The following ROS1 variants were observed in gnomAD, a reference collection of about 807,000 sequenced individuals.
The protein encoded by ROS1 is ROS proto-oncogene 1, receptor tyrosine kinase.
ROS1 carries 263 observed loss-of-function variants against 273.5 expected under a neutral mutation model. That is an observed-to-expected ratio of 0.96 (90% CI 0.87 to 1.06). The LOEUF is 1.06. Ranked by LOEUF, ROS1 falls within the 50% of genes least tolerant of loss-of-function variation. The probability of loss-of-function intolerance (pLI) is 0.00; values close to 1 mark genes in which losing one functional copy is unlikely to be tolerated. For missense variants in ROS1, 2,833 were observed against 2,751.1 expected, an observed-to-expected ratio of 1.03 and a Z score of -0.67; for synonymous variants, 1,008 against 954.1, an observed-to-expected ratio of 1.06 and a Z score of -1.04.
chr6:117,420,417 C>T (rs2128748506), intron 1 of ROS1, among the ~76,000 whole-genome samples: 1 of 120,936 alleles, frequency 8.3e-6, no homozygotes, highest in Admixed American at 1.2e-4. Flanking sequence ...ACTTCCTACC[C>T]TAATAAATGT....
chr6:117,343,609 T>C lies in ROS1; in HGVS notation c.4506+451A>G, dbSNP rs185818869. Among the ~76,000 whole-genome samples the C allele has an allele frequency of 1.3e-3, 198 of 152,276 alleles. 1 individual carries two copies. The highest frequency in any genetic ancestry group is 1.6e-3 in the Non-Finnish European group (110 of 68,012). On this transcript the variant is annotated intron_variant, in intron 28 of 43. Coordinates refer to ENST00000368507, the MANE Select transcript of ROS1 (RefSeq NM_001378902.1). ...GCATAGCAGTATATTTCTCTGCACATAGGAAACAAAAGACAAAATATAATG... is the reference window on the plus strand; with the variant it reads ...GCATAGCAGTATATTTCTCTGCACACAGGAAACAAAAGACAAAATATAATG...
chr6:117,346,498 A>G (rs1483795124), intron 27 of ROS1, among the ~76,000 whole-genome samples: 6 of 150,372 alleles, frequency 4.0e-5, no homozygotes, highest in Non-Finnish European at 8.9e-5. Context: ...TTCATTTTGG[A>G]GCGTGTTTGT....
At chr6:117,386,853 T>C (rs1019889649) in intron 15 of ROS1, 36 bp downstream of exon 15, 2 of 1,056,124 alleles carry the variant, frequency 1.9e-6, no homozygotes, top group African/African-American at 3.2e-5. Flanking sequence ...TGAGTAGAAA[T>C]CTGTCATTCA....
Position 117,385,759 on chromosome 6 carries a change from G to C in ROS1, c.2213C>G (p.Pro738Arg). 1 of 1,614,132 alleles carries C rather than the reference G, an allele frequency of 6.2e-7. No individual in the cohort carries two copies. Among genetic ancestry groups the C allele is most frequent in the South Asian group, 1.1e-5 (1 of 91,080 alleles). Residue 738 changes from proline to arginine, a missense_variant, in exon 16 of 44, where the codon CCC becomes CGC. Coordinates refer to ENST00000368507, the MANE Select transcript of ROS1 (RefSeq NM_001378902.1). The part of the protein sequence containing the change: ...GTDISENYHL[P>R]SIAGAGALAF... ...TAAAGCCCCTGCTCCTGCAATGCTG[G>C]GTAGGTGATAATTCTCTGAGATATC...
chr6:117,320,368 A>G (rs1776208586), intron 36 of ROS1, among the ~76,000 whole-genome samples: 2 of 152,168 alleles, frequency 1.3e-5, no homozygotes, highest in South Asian at 4.1e-4. Context: ...CAATTTGTAT[A>G]AAAAGCTACT....
At chr6:117,385,199 G>GA (rs1018162837) in intron 16 of ROS1, among the ~76,000 whole-genome samples, 5 of 152,158 alleles carry the variant, frequency 3.3e-5, no homozygotes, top group Admixed American at 6.5e-5. Flanking sequence ...TATTATTGGG[G>GA]AAAAAATACC....
At chr6:117,293,743 A>G (rs1774003578) in intron 43 of ROS1, among the ~76,000 whole-genome samples, 1 of 152,188 alleles carries the variant, frequency 6.6e-6, no homozygotes, top group Admixed American at 6.5e-5. Flanking sequence ...TTGTTTTTAA[A>G]CTTTTAAGAA....
In ROS1 at chr6:117,288,611, G is replaced by C. The variant is rs1271530026; in HGVS notation, c.6907C>G (p.Pro2303Ala). 9 of 1,614,106 alleles carry C rather than the reference G, an allele frequency of 5.6e-6. No homozygotes were observed. The highest frequency in any genetic ancestry group is 1.1e-5 in the South Asian group (1 of 91,074). Residue 2303 changes from proline to alanine, a missense_variant, in exon 44 of 44, where the codon CCA (proline) becomes GCA (alanine). Physicochemically the swap from Pro to Ala is conservative, Grantham distance 27. Transcript: ENST00000368507. ...SCGLRKEEKEPHADKDFCQEK... is the reference protein window; with the variant it reads ...SCGLRKEEKEAHADKDFCQEK... ...TGGCAGAAATCTTTGTCTGCATGTG[G>C]TTCCTTCTCTTCTTTCCTCAGACCA...
chr6:117,288,480 C>A lies in ROS1; in HGVS notation c.*12G>T. Reference sequence around the variant, plus strand: ...GTGTTTATCTCAACTCTCTATTTCCCAAACAACGCTATTAATCAGACCCAT... The same window carrying A: ...GTGTTTATCTCAACTCTCTATTTCCAAAACAACGCTATTAATCAGACCCAT... On this transcript the variant is annotated 3_prime_UTR_variant, in exon 44 of 44. Coordinates refer to ENST00000368507, the MANE Select transcript of ROS1 (RefSeq NM_001378902.1). 1 of 1,593,264 alleles carries A rather than the reference C, an allele frequency of 6.3e-7. No individual in the cohort carries two copies. The highest frequency in any genetic ancestry group is 1.1e-5 in the South Asian group (1 of 87,202).
intron 10 of ROS1, 49 bp from the exon 11 acceptor site, chr6:117,394,395 C>CA (rs765291299): frequency 7.6e-7 from 1 of 1,307,638 alleles, no homozygotes; most frequent in South Asian, 1.9e-5. Context: ...ACAACCAGGA[C>CA]AAAAAACTTG....
At chr6:117,390,634 A>G (rs1419506186) in intron 12 of ROS1, among the ~76,000 whole-genome samples, 1 of 152,222 alleles carries the variant, frequency 6.6e-6, no homozygotes, top group East Asian at 1.9e-4. Context: ...TCATTTTGCT[A>G]TAACTAGCAT....
intron 36 of ROS1, among the ~76,000 whole-genome samples, chr6:117,321,032 CA>C (rs1161282557): frequency 6.6e-6 from 1 of 152,052 alleles, no homozygotes; most frequent in African/African-American, 2.4e-5. Flanking sequence ...AGCTACATGA[CA>C]AAATACTGGA....
chr6:117,341,654 G>C (rs1472730632), intron 29 of ROS1, 22 bp from the exon 30 acceptor site: 4 of 1,561,392 alleles, frequency 2.6e-6, no homozygotes, highest in Non-Finnish European at 3.5e-6. Flanking sequence ...AGCAAGGAAT[G>C]ATAAAGGATG....
chr6:117,321,477 G>A (rs2128564030), intron 35 of ROS1, 83 bp from the exon 36 acceptor site: 1 of 1,173,418 alleles, frequency 8.5e-7, no homozygotes. Context: ...TGCATTTGAA[G>A]TGTTTTTATG....
chr6:117,357,615 T>C (rs898831145), intron 25 of ROS1, among the ~76,000 whole-genome samples, 189 bp downstream of exon 25: 2 of 152,256 alleles, frequency 1.3e-5, no homozygotes, highest in Non-Finnish European at 2.9e-5. Flanking sequence ...TCAGTATGCA[T>C]TAAGTTTACA....
At position 117,302,369 on chromosome 6, in the gene ROS1, A is replaced by G. The variant is rs749536165; in HGVS notation, c.6552-1232T>C. ...TGAGTACGAGGCTTATGTGACTTCT[A>G]GAGGCATGGTGAAGAATCCTTTGAA... On this transcript the variant is annotated intron_variant, in intron 42 of 43. Coordinates refer to ENST00000368507, the MANE Select transcript of ROS1 (RefSeq NM_001378902.1). 9.2e-5 allele frequency among the ~76,000 whole-genome samples: 14 copies of G among 152,248 alleles called. No individual in the cohort carries two copies. The South Asian group carries it at 1.5e-3, about 16-fold the overall frequency.
At position 117,365,682 on chromosome 6, in the gene ROS1, T is replaced by C. The variant is rs754956947; in HGVS notation, c.2857A>G (p.Ile953Val). The C allele has an allele frequency of 3.7e-6, 6 of 1,611,904 alleles. No homozygotes were observed. In the East Asian group the frequency reaches 8.9e-5, roughly 24 times the overall value. ...TGAAAACTTGAAGCATTTCCTTCAA[T>C]CCTAAATGAAGACTCTTGAACAGAA... ...PDSVQESSFR[I>V]EGNASSFQIL... is the part of the protein sequence containing the mutation. The change falls in exon 20 of 44, where the codon ATT becomes GTT. Residue 953 changes from isoleucine to valine, a missense_variant. Transcript: ENST00000368507.
chr6:117,375,555 C>T (rs1214012872), intron 18 of ROS1, among the ~76,000 whole-genome samples: 1 of 152,172 alleles, frequency 6.6e-6, no homozygotes, highest in Non-Finnish European at 1.5e-5. Flanking sequence ...CCTACCTGCA[C>T]ATGTACCCCT....
At chr6:117,392,390 C>T (rs1298621416) in intron 12 of ROS1, among the ~76,000 whole-genome samples, 1 of 151,494 alleles carries the variant, frequency 6.6e-6, no homozygotes, top group Admixed American at 6.6e-5. Flanking sequence ...TTTATTCCTA[C>T]AGGAAAGAAA....
Sources: gnomAD v4.1 joint callset for allele counts (sites outside exome capture counted in the v4.1 genomes callset) on GRCh38, gnomAD v4.1.1 for gene constraint, MANE v1.5 for transcripts, NCBI Gene and HGNC (gene_info 2026-07-23, HGNC 2026-07-21) for gene names.